Variants in RUFY3 observed in about 807,000 individuals in gnomAD.
RUFY3 encodes RUN and FYVE domain containing 3.
In RUFY3, 34 loss-of-function variants were observed where a neutral mutation model predicts 84.0. The observed-to-expected ratio is 0.40, with a 90% CI of 0.31 to 0.54. The LOEUF is 0.54. RUFY3 is among the 20% of genes least tolerant of loss of function. RUFY3 has a pLI of 0.39. For missense variants in RUFY3, 507 were observed against 736.8 expected, an observed-to-expected ratio of 0.69 and a Z score of 3.61; for synonymous variants, 242 against 252.9, an observed-to-expected ratio of 0.96 and a Z score of 0.41.
At chr4:70,803,113 C>A in intron 16 of RUFY3, 130 bp downstream of exon 16, 1 of 626,518 alleles carries the variant, frequency 1.6e-6, no homozygotes, top group Non-Finnish European at 2.8e-6. Flanking sequence ...TAACAATACC[C>A]TGAACAAATA....
intron 5 of RUFY3, among the ~76,000 whole-genome samples, chr4:70,770,128 T>G (rs372620230): frequency 7.2e-5 from 11 of 152,264 alleles, no homozygotes; most frequent in African/African-American, 1.9e-4. Context: ...AGCCCACTAT[T>G]CCATTTATAA....
intron 5 of RUFY3, among the ~76,000 whole-genome samples, chr4:70,771,579 C>T (rs181575961): frequency 2.9e-4 from 44 of 152,124 alleles, no homozygotes; most frequent in African/African-American, 8.9e-4. Context: ...TCATCCAGGC[C>T]GGAGTGCCGT....
In RUFY3 at chr4:70,762,598, A is replaced by G. The variant is rs756149784; in HGVS notation, c.258A>G (p.Ser86=). The change falls in exon 2 of 18, where the codon TCA becomes TCG. Residue 86 remains serine, a synonymous_variant. Coordinates refer to ENST00000381006, the MANE Select transcript of RUFY3 (RefSeq NM_001037442.4). ...AKLSIKGLIE[S]ALNLGRTLDS... is the part of the protein sequence containing the mutation. ...TGAGTATCAAGGGCTTGATTGAATC[A>G]GCTCTGAACCTGGGGAGGACTCTTG... The G allele has an allele frequency of 7.4e-6, 12 of 1,613,904 alleles. No homozygotes were observed. Among genetic ancestry groups the G allele is most frequent in the Non-Finnish European group, 1.0e-5 (12 of 1,179,950 alleles).
intron 16 of RUFY3, 104 bp from the exon 17 acceptor site, chr4:70,804,244 T>A (rs1732594590): frequency 1.2e-6 from 1 of 865,744 alleles, no homozygotes; most frequent in Admixed American, 2.1e-5. Flanking sequence ...TTCCAGATAG[T>A]CTATAGTGTG....
exon 1 of RUFY3, chr4:70,705,281 C>T (rs1375866657): frequency 6.3e-6 from 9 of 1,428,622 alleles, no homozygotes; most frequent in Non-Finnish European, 8.2e-6. Context: ...GCAGCAGCGG[C>T]AGCGGCAAGC....
intron 12 of RUFY3, chr4:70,792,601 C>CT: frequency 2.0e-6 from 2 of 985,272 alleles, no homozygotes; most frequent in Non-Finnish European, 2.4e-6. Context: ...GTTTTTTTCT[C>CT]TTTTTTTCAT....
chr4:70,729,881 A>G (rs1560458264), intron 1 of RUFY3, among the ~76,000 whole-genome samples: 1 of 151,290 alleles, frequency 6.6e-6, no homozygotes, highest in Non-Finnish European at 1.5e-5. Flanking sequence ...AAAATAATTG[A>G]TTAAAAATCC....
intron 12 of RUFY3, 191 bp from the exon 13 acceptor site, chr4:70,793,589 ACTTTT>A: frequency 6.8e-7 from 1 of 1,462,114 alleles, no homozygotes; most frequent in Non-Finnish European, 9.0e-7. Flanking sequence ...CCTTCATCTT[ACTTTT>A]CTTTAGAATT....
intron 1 of RUFY3, chr4:70,734,329 G>A (rs1719928717): frequency 1.2e-6 from 1 of 838,730 alleles, no homozygotes; most frequent in Non-Finnish European, 1.4e-6. Flanking sequence ...TGCTTTCACT[G>A]TGGCACACCC....
At chr4:70,765,724 G>T (rs1255915931) in intron 4 of RUFY3, among the ~76,000 whole-genome samples, 1 of 151,618 alleles carries the variant, frequency 6.6e-6, no homozygotes, top group African/African-American at 2.4e-5. Flanking sequence ...TCATTCACTT[G>T]CTGTTTTTGT....
At chr4:70,745,197 G>C (rs1722004074) in intron 1 of RUFY3, among the ~76,000 whole-genome samples, 1 of 152,130 alleles carries the variant, frequency 6.6e-6, no homozygotes, top group South Asian at 2.1e-4. Context: ...ACCCGCCTTG[G>C]CCTCCCAAAG....
intron 1 of RUFY3, among the ~76,000 whole-genome samples, chr4:70,739,610 TG>T (rs146527070): frequency 0.011 from 1,646 of 152,222 alleles, 26 homozygotes; most frequent in African/African-American, 0.038. Context: ...ATCTGTCACT[TG>T]GTTGCCTATA....
rs576090483 is a variant in RUFY3 at position 70,775,295 on chromosome 4, G to C, written c.824+62G>C. On this transcript the variant is annotated intron_variant, in intron 7 of 17. Coordinates refer to ENST00000381006, the MANE Select transcript of RUFY3 (RefSeq NM_001037442.4). The stretch of plus-strand genomic sequence containing the variant: ...TTGTTGAAGGAGAAGGGAAGAGTAA[G>C]ATGATGCGCAGTGAGGATAAATTCA... 7 of 1,130,750 alleles carry C rather than the reference G, an allele frequency of 6.2e-6. No individual in the cohort carries two copies. In the East Asian group the frequency reaches 1.7e-4, roughly 28 times the overall value. The allele number at this position is 1,130,750 out of a possible 1,614,324, so 70.0% of individuals were successfully genotyped here. A position where few individuals can be genotyped will look rare whatever the true frequency, so the allele number is the denominator to read the frequency against.
At chr4:70,799,791 GT>G in intron 14 of RUFY3, 1 of 223,612 alleles carries the variant, frequency 4.5e-6, no homozygotes, top group Non-Finnish European at 8.5e-6. Flanking sequence ...GGTTTTACCA[GT>G]TTTTCAGAGC....
At chr4:70,754,004 G>C (rs753736215) in intron 1 of RUFY3, among the ~76,000 whole-genome samples, 9 of 151,408 alleles carry the variant, frequency 5.9e-5, no homozygotes, top group African/African-American at 1.7e-4. Context: ...TGATTATACT[G>C]TTACCAAGAA....
chr4:70,806,580 C>T lies in RUFY3; in HGVS notation c.1784C>T (p.Pro595Leu). ...TGTTCAACAAATGAACTGCCTCTTC[C>T]TTCAAGTATCAAGCTTGAGCGAGTT... ...DACSTNELPLPSSIKLERVCN... is the reference protein window; with the variant it reads ...DACSTNELPLLSSIKLERVCN... The change falls in exon 18 of 18, where the codon CCT (proline) becomes CTT (leucine). Residue 595 changes from proline (P) to leucine (L), a missense_variant. This residue lies in a region of RUFY3 where 334 missense variants were observed against 364.1 expected (regional missense o/e 0.92). Transcript: ENST00000381006. The T allele has an allele frequency of 6.2e-7, 1 of 1,614,160 alleles. No individual in the cohort carries two copies. The highest frequency in any genetic ancestry group is 8.5e-7 in the Non-Finnish European group (1 of 1,180,012).
chr4:70,737,739 C>T (rs905059517), intron 1 of RUFY3, among the ~76,000 whole-genome samples: 7 of 146,416 alleles, frequency 4.8e-5, no homozygotes, highest in Non-Finnish European at 1.0e-4. Flanking sequence ...TGCAGTGGTA[C>T]CATCTCAGCT....
rs545058058 is a variant in RUFY3 at position 70,744,221 on chromosome 4, C to T, written c.179-18298C>T. Among the ~76,000 whole-genome samples the T allele has an allele frequency of 1.2e-3, 176 of 151,874 alleles. 1 individual carries two copies. Among genetic ancestry groups the T allele is most frequent in the Non-Finnish European group, 2.1e-3 (141 of 67,986 alleles). The stretch of plus-strand genomic sequence containing the variant: ...TTTATTTTATTTTATTTTTTTGAGA[C>T]GAGGTATCACTCTGTTGCCCAGGCT... On this transcript the variant is annotated intron_variant, in intron 1 of 17. Coordinates refer to ENST00000381006, the MANE Select transcript of RUFY3 (RefSeq NM_001037442.4).
At chr4:70,806,480 ATCT>A in intron 17 of RUFY3, 33 bp from the exon 18 acceptor site, 1 of 1,611,466 alleles carries the variant, frequency 6.2e-7, no homozygotes, top group Non-Finnish European at 8.5e-7. Context: ...TGCCTTGCTC[ATCT>A]TCTATTCCCC....
Sources: gnomAD v4.1 joint callset for allele counts (sites outside exome capture counted in the v4.1 genomes callset) on GRCh38, gnomAD v4.1.1 for gene constraint, gnomAD v4.1.1 regional missense constraint, MANE v1.5 for transcripts, NCBI Gene and HGNC (gene_info 2026-07-23, HGNC 2026-07-21) for gene names.